Variants in PKNOX1 observed in about 807,000 individuals in gnomAD.
PKNOX1 encodes the protein PBX/knotted 1 homeobox 1.
Under a neutral mutation model 51.9 loss-of-function variants are expected in PKNOX1, and 15 were observed. That is an observed-to-expected ratio of 0.29 (90% CI 0.19 to 0.45). The LOEUF is 0.45. Among genes scored for constraint, PKNOX1 ranks in the 20% least tolerant of loss-of-function variants. PKNOX1 has a pLI of 1.00. For missense variants in PKNOX1, 462 were observed against 547.5 expected (o/e 0.84, Z 1.56); for synonymous variants, 219 against 211.1 (o/e 1.04, Z -0.32).
chr21:43,026,484 C>T (rs770945603), intron 9 of PKNOX1, among the ~76,000 whole-genome samples: 17 of 151,728 alleles, frequency 1.1e-4, no homozygotes, highest in Admixed American at 3.3e-4. Flanking sequence ...ACAGGCCAGG[C>T]GCGGTGGCTC....
At position 43,014,980 on chromosome 21, in the gene PKNOX1, A is replaced by G. The variant is rs375561700; in HGVS notation, c.522+1742A>G. ...GGAGAATTGACATCTTTACTGCATT[A>G]AGTCTTCCAGTCCACAGGTATGGCA... On this transcript the variant is annotated intron_variant, in intron 5 of 10. Coordinates refer to ENST00000291547, the MANE Select transcript of PKNOX1 (RefSeq NM_004571.5). Among the ~76,000 whole-genome samples, 8 of 152,350 alleles carry G rather than the reference A, an allele frequency of 5.3e-5. No individual in the cohort carries two copies. The South Asian group carries it at 6.2e-4, about 12-fold the overall frequency.
Position 43,032,234 on chromosome 21 carries a change from A to G in PKNOX1, c.*2133A>G. 1 of 455,928 alleles carries G rather than the reference A, an allele frequency of 2.2e-6. No individual in the cohort carries two copies. The highest frequency in any genetic ancestry group is 4.4e-6 in the Non-Finnish European group (1 of 226,790). 28.2% of individuals were successfully genotyped at this position (455,928 alleles called of 1,614,324 possible). A position where few individuals can be genotyped will look rare whatever the true frequency, so the allele number is the denominator to read the frequency against. On this transcript the variant is annotated 3_prime_UTR_variant, in exon 11 of 11. Transcript: ENST00000291547. ...TTCTCATATTTTAAGTCAAGTCTATAAGATCATTTTTAACCTAAGTTCCAA... is the reference window on the plus strand; with the variant it reads ...TTCTCATATTTTAAGTCAAGTCTATGAGATCATTTTTAACCTAAGTTCCAA...
At chr21:43,019,409 C>CTTTATTTTTTTGTTT (rs1568902667) in intron 7 of PKNOX1, among the ~76,000 whole-genome samples, 1 of 146,394 alleles carries the variant, frequency 6.8e-6, no homozygotes, top group Admixed American at 6.7e-5. Context: ...ATAAAATAAA[C>CTTTATTTTTTTGTTT]AAAAAAAAAA....
In PKNOX1 at chr21:42,986,021, A is replaced by ATTT. The variant is rs1299565128; in HGVS notation, c.-57+11357_-57+11358insTTT. Among the ~76,000 whole-genome samples, 8 of 136,442 alleles carry ATTT rather than the reference A, an allele frequency of 5.9e-5. No individual in the cohort carries two copies. The South Asian group carries it at 9.5e-4, about 16-fold the overall frequency. The allele number at this position is 136,442 out of a possible 152,430, so 89.5% of individuals were successfully genotyped here. On this transcript the variant is annotated intron_variant, in intron 1 of 10. Transcript: ENST00000291547. ...GTCTCAGAAAAAAAAAAAAAAATTA[A>ATTT]AAAAAAAATTGCAAAACCATTAAAA... is the stretch of plus-strand genomic sequence containing the variant.
intron 4 of PKNOX1, among the ~76,000 whole-genome samples, chr21:43,011,520 C>T (rs1316594765): frequency 6.6e-6 from 1 of 152,144 alleles, no homozygotes; most frequent in Non-Finnish European, 1.5e-5. Flanking sequence ...GCACCTGAGG[C>T]ACCTGTACAG....
intron 1 of PKNOX1, among the ~76,000 whole-genome samples, chr21:42,985,644 A>G (rs1390267291): frequency 1.3e-5 from 2 of 152,048 alleles, no homozygotes; most frequent in African/African-American, 4.8e-5. Context: ...CAGGGTCTTA[A>G]AACTTTGATG....
In PKNOX1 at chr21:43,021,493, T is replaced by C. The variant is rs1228639583; in HGVS notation, c.849+62T>C. ...TCTGCGACGCTTGCTCTCTGGCTTATGTGTCATGGAAAAGGGTTACTTCTC... is the reference window on the plus strand; with the variant it reads ...TCTGCGACGCTTGCTCTCTGGCTTACGTGTCATGGAAAAGGGTTACTTCTC... On this transcript the variant is annotated intron_variant, in intron 8 of 10. Transcript: ENST00000291547. This position sits in a 1 kb window ranked among gnomAD's most constrained non-coding sequence, Gnocchi z 4.6. The C allele has an allele frequency of 1.3e-6, 2 of 1,507,410 alleles. No individual in the cohort carries two copies. The highest frequency in any genetic ancestry group is 2.4e-5 in the East Asian group (1 of 42,214). The allele number at this position is 1,507,410 out of a possible 1,614,324, so 93.4% of individuals were successfully genotyped here.
chr21:43,005,275 C>T (rs1047218184), intron 2 of PKNOX1, among the ~76,000 whole-genome samples: 1 of 152,106 alleles, frequency 6.6e-6, no homozygotes, highest in Non-Finnish European at 1.5e-5. Flanking sequence ...AAGGATCAGG[C>T]TCCGGAAAAC....
chr21:43,033,013 T>G lies in PKNOX1; in HGVS notation c.*2912T>G, dbSNP rs1980345641. 2 of 152,120 alleles carry G rather than the reference T, an allele frequency of 1.3e-5. No homozygotes were observed. The highest frequency in any genetic ancestry group is 2.9e-5 in the Non-Finnish European group (2 of 68,018). 9.4% of individuals were successfully genotyped at this position (152,120 alleles called of 1,614,324 possible). A position where few individuals can be genotyped will look rare whatever the true frequency, so the allele number is the denominator to read the frequency against. On this transcript the variant is annotated 3_prime_UTR_variant, in exon 11 of 11. Transcript: ENST00000291547. ...TAAGATTTCGTTTTAAATGATCAGA[T>G]TCGGTTCCAGTTTTATTCTTGTTGA...
chr21:43,030,270 TG>T lies in PKNOX1; in HGVS notation c.*170del. ...CAGCGACTTCTTTCAAGTGTGTGTG[TG>T]TGTGTGTGTGTGTGTGTGTGTGCGT... is the stretch of plus-strand genomic sequence containing the variant. On this transcript the variant is annotated 3_prime_UTR_variant, in exon 11 of 11. Transcript: ENST00000291547. 1.1e-4 allele frequency: 1 copy of T among 9,342 alleles called. No individual in the cohort carries two copies. Among genetic ancestry groups the T allele is most frequent in the Non-Finnish European group, 3.4e-4 (1 of 2,982 alleles). 0.6% of individuals were successfully genotyped at this position (9,342 alleles called of 1,614,324 possible). A position where few individuals can be genotyped will look rare whatever the true frequency, so the allele number is the denominator to read the frequency against.
chr21:43,001,446 C>G (rs1458775228), intron 1 of PKNOX1, among the ~76,000 whole-genome samples: 1 of 152,180 alleles, frequency 6.6e-6, no homozygotes, highest in Non-Finnish European at 1.5e-5. Flanking sequence ...CCTTGGCACT[C>G]AGCTGTCCTT....
intron 10 of PKNOX1, 179 bp downstream of exon 10, chr21:43,029,053 C>CTT (rs1980111096): frequency 1.6e-6 from 1 of 643,014 alleles, no homozygotes; most frequent in Admixed American, 2.5e-5. Flanking sequence ...CGGGAGCTCT[C>CTT]AGTAAGAGTT....
At chr21:43,001,624 A>G (rs1164663539) in intron 1 of PKNOX1, among the ~76,000 whole-genome samples, 1 of 152,120 alleles carries the variant, frequency 6.6e-6, no homozygotes, top group Admixed American at 6.5e-5. Flanking sequence ...CTCTTCCTGA[A>G]TGGTCTCATA....
chr21:42,996,190 G>T (rs1471411027), intron 1 of PKNOX1, among the ~76,000 whole-genome samples: 1 of 152,188 alleles, frequency 6.6e-6, no homozygotes. Context: ...CTAGGTGACA[G>T]AGCAAGACCT....
chr21:43,005,287 C>T (rs1173717402), intron 2 of PKNOX1, among the ~76,000 whole-genome samples: 2 of 152,150 alleles, frequency 1.3e-5, no homozygotes. Context: ...CCGGAAAACT[C>T]ACTGGAGCCA....
At position 43,032,684 on chromosome 21, in the gene PKNOX1, T is replaced by A. The variant is rs1380427304; in HGVS notation, c.*2583T>A. 1 of 155,522 alleles carries A rather than the reference T, an allele frequency of 6.4e-6. No individual in the cohort carries two copies. The highest frequency in any genetic ancestry group is 1.4e-5 in the Non-Finnish European group (1 of 69,826). 9.6% of individuals were successfully genotyped at this position (155,522 alleles called of 1,614,324 possible). On this transcript the variant is annotated 3_prime_UTR_variant, in exon 11 of 11. Transcript: ENST00000291547. ...CACTGGGAAGCTCTGGCCTGAGAGT[T>A]AAACACCCATGCTGAATGATACAGT...
chr21:43,017,880 C>T, intron 6 of PKNOX1: 1 of 340,624 alleles, frequency 2.9e-6, no homozygotes, highest in South Asian at 4.5e-5. Flanking sequence ...GATTAAAAAG[C>T]TCATCAAACC....
Position 43,010,114 on chromosome 21 carries a change from T to C in PKNOX1, c.241T>C (p.Ser81Pro). The change falls in exon 4 of 11, where the codon TCT becomes CCT. Residue 81 changes from serine to proline, a missense_variant. Around this residue, in one of 5 missense-constraint regions of PKNOX1, gnomAD observed 129 missense variants for 133.4 expected, o/e 0.97. Coordinates refer to ENST00000291547, the MANE Select transcript of PKNOX1 (RefSeq NM_004571.5). ...AAAATGTGAACAATCTACACAGGGC[T>C]CTGAAGGCACAACTTCTGCCAGTTT... is the stretch of plus-strand genomic sequence containing the variant. ...FEKCEQSTQG[S>P]EGTTSASFDV... The C allele has an allele frequency of 6.2e-7, 1 of 1,608,060 alleles. No individual in the cohort carries two copies. Among genetic ancestry groups the C allele is most frequent in the Non-Finnish European group, 8.5e-7 (1 of 1,176,894 alleles).
intron 5 of PKNOX1, among the ~76,000 whole-genome samples, chr21:43,015,603 G>A (rs1979455258): frequency 6.6e-6 from 1 of 152,126 alleles, no homozygotes; most frequent in South Asian, 2.1e-4. Flanking sequence ...AAATGGATTG[G>A]GAAGTATTCC....
Sources: gnomAD v4.1 joint callset for allele counts (sites outside exome capture counted in the v4.1 genomes callset) on GRCh38, gnomAD v4.1.1 for gene constraint, gnomAD v4.1.1 regional missense constraint, Gnocchi (gnomAD v3.1) non-coding constraint, MANE v1.5 for transcripts, NCBI Gene and HGNC (gene_info 2026-07-23, HGNC 2026-07-21) for gene names.